Variants in SLC36A1 observed in about 807,000 individuals in gnomAD.
SLC36A1 encodes proton-coupled amino acid transporter 1.
Under a neutral mutation model 47.5 loss-of-function variants are expected in SLC36A1, and 30 were observed. The ratio of observed to expected loss-of-function variants is 0.63; its 90% CI spans 0.47 to 0.86. SLC36A1 has a LOEUF of 0.86. Ranked by LOEUF, SLC36A1 falls within the 40% of genes least tolerant of loss-of-function variation. The pLI is 0.00. For synonymous variants in SLC36A1, 255 were observed against 249.7 expected, an observed-to-expected ratio of 1.02 and a Z score of -0.20; for missense variants, 517 against 606.0, an observed-to-expected ratio of 0.85 and a Z score of 1.54.
At position 151,488,039 on chromosome 5, in the gene SLC36A1, G is replaced by A. The variant is rs569783367; in HGVS notation, c.1216G>A (p.Val406Met). The A allele has an allele frequency of 1.7e-5, 28 of 1,614,050 alleles. No individual in the cohort carries two copies. Among genetic ancestry groups the A allele is most frequent in the East Asian group, 1.1e-4 (5 of 44,864 alleles). Reference protein sequence around the residue: ...LDLVISLVGSVSSSALALIIP... With the variant: ...LDLVISLVGSMSSSALALIIP... ...CCTGGTCATCTCCCTGGTGGGCTCC[G>A]TGAGCAGCAGCGCCCTGGCCCTCAT... The change falls in exon 11 of 11, where the codon GTG (valine) becomes ATG (methionine). Residue 406 changes from valine to methionine, a missense_variant. Physicochemically the swap from Val to Met is conservative, Grantham distance 21. Coordinates refer to ENST00000243389, the MANE Select transcript of SLC36A1 (RefSeq NM_078483.4).
At chr5:151,433,221 C>A (rs1759475027), upstream of SLC36A1, among the ~76,000 whole-genome samples, 5 of 17,358 alleles carry the variant, frequency 2.9e-4, 1 homozygote, top group Admixed American at 2.5e-3. Context: ...TTCTGAATAA[C>A]ATATATATAT....
the SLC36A1 span, chr5:151,511,605 G>A: frequency 4.5e-5 from 7 of 155,700 alleles, no homozygotes; most frequent in Admixed American, 1.2e-4. Flanking sequence ...ATGTGAGTGC[G>A]TGTACATCAT....
In SLC36A1 at chr5:151,473,727, CTCT is replaced by C. The variant is rs1478275292; in HGVS notation, c.783_785del (p.Phe262del). The C allele has an allele frequency of 1.2e-6, 2 of 1,614,116 alleles. No individual in the cohort carries two copies. Among genetic ancestry groups the C allele is most frequent in the Non-Finnish European group, 1.7e-6 (2 of 1,179,992 alleles). ...GGTGGCCCCTTGGAAGACCTACCCT[CTCT>C]TCTTTGGCACAGCGATTTTTTCATT... On this transcript the variant is annotated inframe_deletion, in exon 8 of 11. Transcript: ENST00000243389.
At chr5:151,483,798 T>C (rs547074722) in intron 10 of SLC36A1, among the ~76,000 whole-genome samples, 196 of 152,246 alleles carry the variant, frequency 1.3e-3, no homozygotes, top group African/African-American at 4.5e-3. Context: ...CTTCCCACTT[T>C]GTGTTAGTGG....
the SLC36A1 span, chr5:151,529,109 G>T: frequency 7.6e-7 from 1 of 1,310,728 alleles, no homozygotes. Flanking sequence ...AGATGGCTGG[G>T]TGTGGGGGTG....
the SLC36A1 span, among the ~76,000 whole-genome samples, chr5:151,372,446 AT>A: frequency 7.7e-3 from 1,142 of 148,294 alleles, 19 homozygotes; most frequent in African/African-American, 0.023. Context: ...TTCATTAAAA[AT>A]TTTTTTTTTT....
At chr5:151,420,551 C>T in the SLC36A1 span, among the ~76,000 whole-genome samples, 23 of 152,162 alleles carry the variant, frequency 1.5e-4, no homozygotes, top group Middle Eastern at 0.014. Flanking sequence ...TTACCAGGAG[C>T]GCAGGAGCTC....
the SLC36A1 span, among the ~76,000 whole-genome samples, chr5:151,430,431 C>T: frequency 1.3e-5 from 2 of 150,000 alleles, no homozygotes; most frequent in Admixed American, 1.3e-4. Flanking sequence ...TCAAGCAATT[C>T]TCTGCCTCAG....
chr5:151,458,616 A>G (rs953738202), intron 1 of SLC36A1, among the ~76,000 whole-genome samples, 172 bp from the exon 2 acceptor site: 1 of 152,102 alleles, frequency 6.6e-6, no homozygotes, highest in East Asian at 1.9e-4. Context: ...GCCTCTGTGT[A>G]CTTTGCACTT....
chr5:151,350,769 G>A, the SLC36A1 span, among the ~76,000 whole-genome samples: 20,957 of 151,654 alleles, frequency 0.14, 1,857 homozygotes, highest in East Asian at 0.38. Flanking sequence ...TGGTGTGATC[G>A]CGGCTCACTG....
chr5:151,382,837 A>G, the SLC36A1 span, among the ~76,000 whole-genome samples: 1 of 152,222 alleles, frequency 6.6e-6, no homozygotes, highest in Non-Finnish European at 1.5e-5. Flanking sequence ...AGCATGTTTG[A>G]GAGGCCAAGG....
At chr5:151,381,144 TG>T in the SLC36A1 span, 1 of 478,956 alleles carries the variant, frequency 2.1e-6, no homozygotes, top group Non-Finnish European at 4.1e-6. Flanking sequence ...AAGGATGAGC[TG>T]GCCATGGCTG....
chr5:151,522,845 G>C, the SLC36A1 span, among the ~76,000 whole-genome samples: 1 of 152,174 alleles, frequency 6.6e-6, no homozygotes, highest in African/African-American at 2.4e-5. Flanking sequence ...AGGGAAGCAG[G>C]CCTGACCTCA....
chr5:151,413,107 A>G, the SLC36A1 span, among the ~76,000 whole-genome samples: 3 of 151,016 alleles, frequency 2.0e-5, no homozygotes, highest in South Asian at 6.5e-4. Context: ...TCACGGCTGT[A>G]TTACCAGCAC....
At chr5:151,527,280 T>C in the SLC36A1 span, 3 of 1,610,400 alleles carry the variant, frequency 1.9e-6, no homozygotes, top group Non-Finnish European at 2.5e-6. Context: ...CGGTGGGTTA[T>C]CATTGACATC....
the SLC36A1 span, among the ~76,000 whole-genome samples, chr5:151,396,356 C>T: frequency 6.6e-6 from 1 of 152,082 alleles, no homozygotes; most frequent in Non-Finnish European, 1.5e-5. Context: ...CCGTCTCGGC[C>T]TGCCAAAGTG....
chr5:151,482,402 T>A (rs1400379498), intron 10 of SLC36A1, among the ~76,000 whole-genome samples: 3 of 152,188 alleles, frequency 2.0e-5, no homozygotes, highest in South Asian at 2.1e-4. Flanking sequence ...ATAGGTGCTT[T>A]GCGCTTGATT....
intron 1 of SLC36A1, among the ~76,000 whole-genome samples, chr5:151,441,002 C>T (rs1752592198): frequency 6.6e-6 from 1 of 152,180 alleles, no homozygotes; most frequent in Admixed American, 6.5e-5. Flanking sequence ...TTTCAAAATG[C>T]AGATTGCTGT....
the SLC36A1 span, among the ~76,000 whole-genome samples, chr5:151,506,924 A>G: frequency 6.6e-6 from 1 of 152,272 alleles, no homozygotes; most frequent in East Asian, 1.9e-4. Context: ...ATGAACCTCA[A>G]TCCCATGGAG....
Sources: allele counts gnomAD v4.1 joint callset (sites outside exome capture counted in the v4.1 genomes callset), GRCh38; gene constraint gnomAD v4.1.1; transcripts MANE v1.5; gene names NCBI Gene and HGNC (gene_info 2026-07-23, HGNC 2026-07-21).